Variants in PPP2CA observed in about 807,000 individuals in gnomAD.
The protein encoded by PPP2CA is serine/threonine-protein phosphatase 2A catalytic subunit alpha isoform.
In PPP2CA, 5 loss-of-function variants were observed where a neutral mutation model predicts 38.8. That is an observed-to-expected ratio of 0.13 (90% CI 0.07 to 0.27). PPP2CA has a LOEUF of 0.27. PPP2CA is among the 10% of genes least tolerant of loss of function. PPP2CA has a pLI of 1.00. For synonymous variants in PPP2CA, 152 were observed against 134.0 expected, an observed-to-expected ratio of 1.13 and a Z score of -0.93; for missense variants, 88 against 389.7, an observed-to-expected ratio of 0.23 and a Z score of 6.52.
At chr5:134,211,099 CT>C (rs112931319) in intron 1 of PPP2CA, among the ~76,000 whole-genome samples, 316 of 145,136 alleles carry the variant, frequency 2.2e-3, no homozygotes, top group Middle Eastern at 7.1e-3. Context: ...TTTTTAAAAT[CT>C]TTTTTTTTTT....
At chr5:134,199,288 T>G in intron 5 of PPP2CA, 84 bp from the exon 6 acceptor site, 3 of 1,026,908 alleles carry the variant, frequency 2.9e-6, no homozygotes, top group Non-Finnish European at 4.5e-6. Flanking sequence ...AAAAAATCTC[T>G]ACTCATTCCC....
intron 1 of PPP2CA, among the ~76,000 whole-genome samples, chr5:134,225,139 G>A (rs1401059918): frequency 6.6e-6 from 1 of 152,026 alleles, no homozygotes; most frequent in Admixed American, 6.6e-5. Flanking sequence ...CTCCCTTATA[G>A]CTACCACCAT....
chr5:134,224,129 G>A (rs1352083557), intron 1 of PPP2CA: 5 of 323,190 alleles, frequency 1.5e-5, no homozygotes, highest in Non-Finnish European at 3.0e-5. Context: ...TGACTTAAAA[G>A]TCTTTCATAT....
chr5:134,196,255 AACACAGC>A lies in PPP2CA; in HGVS notation c.*1510_*1516del, dbSNP rs897060620. On this transcript the variant is annotated 3_prime_UTR_variant, in exon 7 of 7. Transcript: ENST00000481195. ...TAACTTCCCTGTTGGTTCCAGATTC[AACACAGC>A]ACAAAGCAAGAAAACTTTTATTTAC... The A allele has an allele frequency of 2.0e-5, 3 of 152,224 alleles. No individual in the cohort carries two copies. The highest frequency in any genetic ancestry group is 4.4e-5 in the Non-Finnish European group (3 of 68,042). 9.4% of individuals were successfully genotyped at this position (152,224 alleles called of 1,614,324 possible). A position where few individuals can be genotyped will look rare whatever the true frequency, so the allele number is the denominator to read the frequency against.
At chr5:134,225,714 C>G (rs1207240792) in intron 1 of PPP2CA, 46 bp downstream of exon 1, 3 of 1,561,022 alleles carry the variant, frequency 1.9e-6, no homozygotes, top group East Asian at 2.4e-5. Context: ...TTTTCCTCGG[C>G]GGGCTCGGCC....
At position 134,194,928 on chromosome 5, in the gene PPP2CA, A is replaced by C. The variant is rs942919575; in HGVS notation, c.*2844T>G. Reference sequence around the variant, plus strand: ...TGGCTGTTTTTAACCCTAGATGTAAATTAGAATCACTTGGGAAACTTAAAA... The same window carrying C: ...TGGCTGTTTTTAACCCTAGATGTAACTTAGAATCACTTGGGAAACTTAAAA... On this transcript the variant is annotated 3_prime_UTR_variant, in exon 7 of 7. Transcript: ENST00000481195. 6.6e-6 allele frequency: 1 copy of C among 152,102 alleles called. No individual in the cohort carries two copies. The highest frequency in any genetic ancestry group is 2.4e-5 in the African/African-American group (1 of 41,420). 9.4% of individuals were successfully genotyped at this position (152,102 alleles called of 1,614,324 possible).
intron 1 of PPP2CA, among the ~76,000 whole-genome samples, chr5:134,215,785 C>A (rs1162749751): frequency 4.6e-5 from 7 of 152,114 alleles, no homozygotes. Context: ...TATACAGTAA[C>A]TCCTAAGCAG....
chr5:134,222,454 C>T (rs1446099535), intron 1 of PPP2CA, among the ~76,000 whole-genome samples: 1 of 151,872 alleles, frequency 6.6e-6, no homozygotes, highest in Non-Finnish European at 1.5e-5. Flanking sequence ...AATGTTAAAA[C>T]TAACATTTTA....
chr5:134,203,327 C>T (rs1762007533), intron 2 of PPP2CA, among the ~76,000 whole-genome samples: 1 of 152,178 alleles, frequency 6.6e-6, no homozygotes, highest in African/African-American at 2.4e-5. Flanking sequence ...TTTGCTTCAG[C>T]ACCATTTACT....
At chr5:134,214,441 T>A (rs568665470) in intron 1 of PPP2CA, among the ~76,000 whole-genome samples, 1 of 152,344 alleles carries the variant, frequency 6.6e-6, no homozygotes, top group African/African-American at 2.4e-5. Flanking sequence ...AATTGTGGGA[T>A]TACAGGGCAA....
At chr5:134,222,712 A>G (rs951179993) in intron 1 of PPP2CA, among the ~76,000 whole-genome samples, 3 of 152,242 alleles carry the variant, frequency 2.0e-5, no homozygotes, top group African/African-American at 7.2e-5. Context: ...CTGTAGATTG[A>G]AACATACCCG....
chr5:134,202,160 A>C, intron 2 of PPP2CA, 139 bp from the exon 3 acceptor site: 4 of 784,748 alleles, frequency 5.1e-6, no homozygotes, highest in Non-Finnish European at 5.8e-6. Flanking sequence ...AGTGAACCAA[A>C]ACCACAGCTC....
intron 1 of PPP2CA, among the ~76,000 whole-genome samples, chr5:134,219,459 A>G (rs1762390790): frequency 1.3e-5 from 2 of 152,060 alleles, no homozygotes; most frequent in South Asian, 2.1e-4. Flanking sequence ...CCTCGTCCCC[A>G]TCTAGGACAA....
intron 1 of PPP2CA, among the ~76,000 whole-genome samples, chr5:134,220,874 A>G (rs529603640): frequency 5.1e-4 from 78 of 152,348 alleles, no homozygotes; most frequent in African/African-American, 1.7e-3. Context: ...TCTACAGTAC[A>G]TGAGCTTCAA....
chr5:134,220,456 C>CAAAAAAAAAAAAAAAAA (rs10649430), intron 1 of PPP2CA, among the ~76,000 whole-genome samples: 2 of 54,050 alleles, frequency 3.7e-5, no homozygotes, highest in African/African-American at 6.8e-5. Flanking sequence ...GACTCTATCT[C>CAAAAAAAAAAAAAAAAA]AAAAAAAAAA....
intron 1 of PPP2CA, among the ~76,000 whole-genome samples, chr5:134,207,722 C>T (rs1421937856): frequency 6.6e-6 from 1 of 152,114 alleles, no homozygotes; most frequent in East Asian, 1.9e-4. Flanking sequence ...GCCTATTTTG[C>T]ACTTTTTGTA....
Position 134,197,656 on chromosome 5 carries a change from A to G in PPP2CA, c.*116T>C. The G allele has an allele frequency of 1.2e-6, 1 of 850,112 alleles. No homozygotes were observed. The highest frequency in any genetic ancestry group is 1.9e-6 in the Non-Finnish European group (1 of 523,648). The allele number at this position is 850,112 out of a possible 1,614,324, so 52.7% of individuals were successfully genotyped here. A position where few individuals can be genotyped will look rare whatever the true frequency, so the allele number is the denominator to read the frequency against. On this transcript the variant is annotated 3_prime_UTR_variant, in exon 7 of 7. Coordinates refer to ENST00000481195, the MANE Select transcript of PPP2CA (RefSeq NM_002715.4). ...ATGGCACATCTTTTGGTCCATGTGA[A>G]AACAAGTTTTTTGAATGTTAACTAT... is the stretch of plus-strand genomic sequence containing the variant.
At chr5:134,202,972 T>A (rs114851239) in intron 2 of PPP2CA, among the ~76,000 whole-genome samples, 1 of 152,236 alleles carries the variant, frequency 6.6e-6, no homozygotes, top group Non-Finnish European at 1.5e-5. Flanking sequence ...CTGATTACAA[T>A]TGATATCAAG....
intron 1 of PPP2CA, among the ~76,000 whole-genome samples, chr5:134,209,514 T>C (rs2149385512): frequency 6.6e-6 from 1 of 152,324 alleles, no homozygotes; most frequent in Non-Finnish European, 1.5e-5. Context: ...GGCTCACGCC[T>C]GTAATCCCAA....
Sources: gnomAD v4.1 joint callset for allele counts (sites outside exome capture counted in the v4.1 genomes callset) on GRCh38, gnomAD v4.1.1 for gene constraint, MANE v1.5 for transcripts, NCBI Gene and HGNC (gene_info 2026-07-23, HGNC 2026-07-21) for gene names.